CRB1: variants seen among roughly 807,000 people sequenced by gnomAD.
CRB1 encodes protein crumbs homolog 1.
In CRB1, 83 loss-of-function variants were observed where a neutral mutation model predicts 120.0. The ratio of observed to expected loss-of-function variants is 0.69; its 90% CI spans 0.58 to 0.83. The LOEUF is 0.83. Among genes scored for constraint, CRB1 ranks in the 40% least tolerant of loss-of-function variants. The pLI, the probability that CRB1 is intolerant of heterozygous loss-of-function variation, is 0.00. For synonymous variants in CRB1, 625 were observed against 612.5 expected, an observed-to-expected ratio of 1.02 and a Z score of -0.30; for missense variants, 1,699 against 1,687.6, an observed-to-expected ratio of 1.01 and a Z score of -0.12.
intron 1 of CRB1, chr1:197,304,346 A>T (rs1657046612): frequency 2.1e-6 from 2 of 935,542 alleles, no homozygotes; most frequent in Non-Finnish European, 2.5e-6. Context: ...ATTTTGAATA[A>T]CATTAAATGT....
intron 5 of CRB1, among the ~76,000 whole-genome samples, chr1:197,360,696 G>A (rs1660726380): frequency 6.6e-6 from 1 of 152,172 alleles, no homozygotes; most frequent in Non-Finnish European, 1.5e-5. Flanking sequence ...TGAGATCTAG[G>A]AATTTTCTTT....
rs143212227 is a variant in CRB1, at chr1:197,334,899, C to T, written c.652+5896C>T. ...CATTCTGCAAGGAAGAGATAGATGTCTATAAAACAAGTAATAGATATACTG... is the reference window on the plus strand; with the variant it reads ...CATTCTGCAAGGAAGAGATAGATGTTTATAAAACAAGTAATAGATATACTG... On this transcript the variant is annotated intron_variant, in intron 2 of 11. Coordinates refer to ENST00000367400, the MANE Select transcript of CRB1 (RefSeq NM_201253.3). Among the ~76,000 whole-genome samples the T allele has an allele frequency of 1.1e-3, 162 of 152,166 alleles. 1 individual carries two copies. The highest frequency in any genetic ancestry group is 3.7e-3 in the African/African-American group (153 of 41,512).
chr1:197,377,588 G>A (rs191396332), intron 5 of CRB1, among the ~76,000 whole-genome samples: 68 of 152,230 alleles, frequency 4.5e-4, no homozygotes, highest in African/African-American at 1.6e-3. Flanking sequence ...GATAAATTAA[G>A]TTTTCCATGC....
intron 2 of CRB1, among the ~76,000 whole-genome samples, chr1:197,340,814 T>C (rs1659409514): frequency 1.3e-5 from 2 of 152,202 alleles, no homozygotes; most frequent in African/African-American, 4.8e-5. Flanking sequence ...TTTGGAATTG[T>C]GGAATGATGC....
chr1:197,428,860 A>C (rs571615849), intron 7 of CRB1: 375 of 1,087,542 alleles, frequency 3.4e-4, no homozygotes, highest in Non-Finnish European at 4.6e-4. Context: ...TAGTAGACCC[A>C]GGACAAACAC....
At chr1:197,277,392 G>C (rs1311757027) in intron 1 of CRB1, among the ~76,000 whole-genome samples, 1 of 151,986 alleles carries the variant, frequency 6.6e-6, no homozygotes, top group Non-Finnish European at 1.5e-5. Flanking sequence ...AGAGCAGAGT[G>C]CTAATGAGGC....
chr1:197,301,402 G>A (rs1461304608), intron 1 of CRB1, among the ~76,000 whole-genome samples: 1 of 152,052 alleles, frequency 6.6e-6, no homozygotes, highest in Non-Finnish European at 1.5e-5. Flanking sequence ...TTGACCTCAG[G>A]TGATCCACCT....
At chr1:197,356,410 G>A (rs1421801992) in intron 4 of CRB1, among the ~76,000 whole-genome samples, 1 of 152,074 alleles carries the variant, frequency 6.6e-6, no homozygotes, top group Non-Finnish European at 1.5e-5. Flanking sequence ...TATGAAATAA[G>A]GATTTACCTT....
chr1:197,388,429 GA>G (rs1662331384), intron 5 of CRB1, among the ~76,000 whole-genome samples: 1 of 152,000 alleles, frequency 6.6e-6, no homozygotes, highest in African/African-American at 2.4e-5. Context: ...GAGTTTTTAA[GA>G]ATGTCAAAAA....
intron 2 of CRB1, among the ~76,000 whole-genome samples, chr1:197,343,033 G>A (rs559798782): frequency 2.0e-5 from 3 of 152,236 alleles, no homozygotes; most frequent in East Asian, 3.9e-4. Context: ...CATTTTCACC[G>A]ACATAAATTT....
chr1:197,270,966 T>C (rs1654874394), intron 1 of CRB1, among the ~76,000 whole-genome samples: 1 of 152,168 alleles, frequency 6.6e-6, no homozygotes, highest in Non-Finnish European at 1.5e-5. Flanking sequence ...TTTGAGAGGC[T>C]GAAATGAGTT....
chr1:197,253,150 A>T, the CRB1 span, among the ~76,000 whole-genome samples: 2 of 151,838 alleles, frequency 1.3e-5, no homozygotes, highest in East Asian at 3.9e-4. Flanking sequence ...TGCATAGTCT[A>T]CTCTTTCAGA....
intron 5 of CRB1, chr1:197,413,933 C>CT (rs1042424662): frequency 2.2e-6 from 1 of 456,714 alleles, no homozygotes; most frequent in African/African-American, 2.0e-5. Flanking sequence ...ATGGATACCT[C>CT]TTTTTTAACA....
chr1:197,401,007 G>A (rs1328556150), intron 5 of CRB1, among the ~76,000 whole-genome samples: 2 of 151,750 alleles, frequency 1.3e-5, no homozygotes, highest in African/African-American at 4.8e-5. Context: ...CAGAGAAATT[G>A]AAATTATATT....
Position 197,355,177 on chromosome 1 carries a change from CAT to C in CRB1, c.989-1652_989-1651del, listed in dbSNP as rs1660396114. On this transcript the variant is annotated intron_variant, in intron 4 of 11. Transcript: ENST00000367400. Reference sequence around the variant, plus strand: ...GTGTATTTACAATCCCTTAGCTAGACATAAATATTCTTCAAGTCCCCACCAGA... The same window carrying C: ...GTGTATTTACAATCCCTTAGCTAGACAAATATTCTTCAAGTCCCCACCAGA... Among the ~76,000 whole-genome samples the C allele has an allele frequency of 2.0e-5, 3 of 151,814 alleles. No homozygotes were observed. In the South Asian group the frequency reaches 6.2e-4, roughly 31 times the overall value.
At chr1:197,225,902 T>TC in the CRB1 span, among the ~76,000 whole-genome samples, 1 of 151,744 alleles carries the variant, frequency 6.6e-6, no homozygotes, top group Admixed American at 6.6e-5. Context: ...CCTTTCTTTC[T>TC]TTTTTTTTCT....
At chr1:197,316,641 C>T (rs1238183125) in intron 1 of CRB1, among the ~76,000 whole-genome samples, 1 of 152,146 alleles carries the variant, frequency 6.6e-6, no homozygotes, top group African/African-American at 2.4e-5. Context: ...TTAATTTATA[C>T]ATGCCATTTT....
At chr1:197,364,092 C>A in intron 5 of CRB1, 2 of 1,189,444 alleles carry the variant, frequency 1.7e-6, no homozygotes, top group South Asian at 1.5e-5. Flanking sequence ...GCGGGCAGAT[C>A]CGTGGGTGGG....
At position 197,344,312 on chromosome 1, in the gene CRB1, T is replaced by C; in HGVS notation, c.684T>C (p.Cys228=). ...GVNCELEIDE[C]WSQPCLNGAT... ...ACTGTGAATTGGAAATTGACGAATG[T>C]TGGTCCCAGCCTTGTTTAAATGGTG... Residue 228 remains cysteine, a synonymous_variant, in exon 3 of 12, where the codon TGT becomes TGC. Coordinates refer to ENST00000367400, the MANE Select transcript of CRB1 (RefSeq NM_201253.3). 6.2e-7 allele frequency: 1 copy of C among 1,614,202 alleles called. No individual in the cohort carries two copies. Among genetic ancestry groups the C allele is most frequent in the Non-Finnish European group, 8.5e-7 (1 of 1,180,028 alleles).
Sources: gnomAD v4.1 joint callset for allele counts (sites outside exome capture counted in the v4.1 genomes callset) on GRCh38, gnomAD v4.1.1 for gene constraint, MANE v1.5 for transcripts, NCBI Gene and HGNC (gene_info 2026-07-23, HGNC 2026-07-21) for gene names.